ZNF611: variants seen among roughly 807,000 people sequenced by gnomAD.
ZNF611 encodes the protein zinc finger protein 611.
In ZNF611, 6 loss-of-function variants were observed where a neutral mutation model predicts 8.9. The observed-to-expected ratio is 0.68, with a 90% CI of 0.37 to 1.34. ZNF611 has a LOEUF of 1.34. Among genes scored for constraint, ZNF611 ranks in the 40% most tolerant of loss-of-function variants. The probability of loss-of-function intolerance (pLI) is 0.02; values close to 1 mark genes in which losing one functional copy is unlikely to be tolerated. For missense variants in ZNF611, 874 were observed against 841.3 expected, an observed-to-expected ratio of 1.04 and a Z score of -0.48; for synonymous variants, 262 against 279.7, an observed-to-expected ratio of 0.94 and a Z score of 0.63.
In ZNF611 at chr19:52,706,884, A is replaced by G. The variant is rs189334546; in HGVS notation, c.191-20T>C. The G allele has an allele frequency of 5.6e-6, 9 of 1,596,878 alleles. No individual in the cohort carries two copies. In the African/African-American group the frequency reaches 1.1e-4, roughly 19 times the overall value. ...AGATATCTACAAAATATAAACACCA[A>G]TACATTTCCAATTAAGTACAGATGG... On this transcript the variant is annotated intron_variant, in intron 5 of 5. Coordinates refer to ENST00000652185, the MANE Select transcript of ZNF611 (RefSeq NM_001161499.2).
chr19:52,720,459 G>A lies in ZNF611; in HGVS notation c.-19-4546C>T, dbSNP rs567520905. ...GAAGGGGCGGTTGCTGGACAGAGGC[G>A]CTCCTCACCTCCCAGATGGGGCGGC... On this transcript the variant is annotated intron_variant, in intron 3 of 5. Transcript: ENST00000652185. Among the ~76,000 whole-genome samples, 158 of 105,316 alleles carry A rather than the reference G, an allele frequency of 1.5e-3. 3 individuals are homozygous for A. The highest frequency in any genetic ancestry group is 4.0e-3 in the Admixed American group (45 of 11,168). The allele number at this position is 105,316 out of a possible 152,430, so 69.1% of individuals were successfully genotyped here. A position where few individuals can be genotyped will look rare whatever the true frequency, so the allele number is the denominator to read the frequency against.
At chr19:52,706,938 C>T in intron 5 of ZNF611, 74 bp from the exon 6 acceptor site, 3 of 1,524,194 alleles carry the variant, frequency 2.0e-6, no homozygotes, top group Non-Finnish European at 2.6e-6. Context: ...ATAAATATGA[C>T]ACAAAAAACG....
chr19:52,734,546 G>C (rs1035483), intron 1 of ZNF611, among the ~76,000 whole-genome samples: 1 of 53,866 alleles, frequency 1.9e-5, no homozygotes, highest in African/African-American at 9.4e-5. Context: ...CGGGGGGGGG[G>C]GGCGCGACGG....
intron 1 of ZNF611, among the ~76,000 whole-genome samples, chr19:52,733,462 G>A (rs189785674): frequency 2.0e-5 from 3 of 152,006 alleles, no homozygotes; most frequent in South Asian, 4.2e-4. Flanking sequence ...CATTATGCCC[G>A]GTTATTTACT....
intron 3 of ZNF611, among the ~76,000 whole-genome samples, chr19:52,719,193 AAC>A (rs2062337785): frequency 6.6e-6 from 1 of 152,164 alleles, no homozygotes; most frequent in African/African-American, 2.4e-5. Context: ...AATGAATAAA[AAC>A]ACACAAAAAA....
intron 3 of ZNF611, chr19:52,724,077 A>G (rs1347653506): frequency 6.6e-6 from 1 of 152,336 alleles, no homozygotes; most frequent in Admixed American, 6.5e-5. Flanking sequence ...TCTTATCTCA[A>G]CTGCAAAGAG....
At chr19:52,722,856 G>T (rs905477981) in intron 3 of ZNF611, among the ~76,000 whole-genome samples, 1 of 151,474 alleles carries the variant, frequency 6.6e-6, no homozygotes, top group Admixed American at 6.6e-5. Flanking sequence ...TCTGCCTACA[G>T]AGTAGCTGAA....
chr19:52,731,375 CTTTA>C (rs2062424662), intron 1 of ZNF611, among the ~76,000 whole-genome samples: 1 of 151,386 alleles, frequency 6.6e-6, no homozygotes, highest in Non-Finnish European at 1.5e-5. Context: ...CTTTCTTTTT[CTTTA>C]TTTTTTTTTC....
At chr19:52,722,397 T>C (rs931060160) in intron 3 of ZNF611, among the ~76,000 whole-genome samples, 1 of 151,976 alleles carries the variant, frequency 6.6e-6, no homozygotes, top group African/African-American at 2.4e-5. Flanking sequence ...ATTAATTAAT[T>C]AATTAATTAA....
In ZNF611 at chr19:52,717,478, G is replaced by A. The variant is rs190673520; in HGVS notation, c.-19-1565C>T. On this transcript the variant is annotated intron_variant, in intron 3 of 5. Coordinates refer to ENST00000652185, the MANE Select transcript of ZNF611 (RefSeq NM_001161499.2). ...AGCCCCAGGAATAGGAAAGCAGCCT[G>A]TGTGGCTGGAACAGTGGAAGAGAGG... Among the ~76,000 whole-genome samples the A allele has an allele frequency of 1.9e-3, 295 of 152,304 alleles. 4 individuals are homozygous for A. Among genetic ancestry groups the A allele is most frequent in the African/African-American group, 6.8e-3 (282 of 41,566 alleles).
chr19:52,714,627 G>A lies in ZNF611; in HGVS notation c.64-486C>T, dbSNP rs548733922. On this transcript the variant is annotated intron_variant, in intron 4 of 5. Coordinates refer to ENST00000652185, the MANE Select transcript of ZNF611 (RefSeq NM_001161499.2). The stretch of plus-strand genomic sequence containing the variant: ...CACTTGAACCCGGGAGATGGAGGCT[G>A]CAGTGAGCCAAGTTCGCACCACTGC... Among the ~76,000 whole-genome samples, 272 of 149,460 alleles carry A rather than the reference G, an allele frequency of 1.8e-3. 10 individuals are homozygous for A. The South Asian group carries it at 0.056, about 31-fold the overall frequency.
At chr19:52,723,088 A>G (rs944608623) in intron 3 of ZNF611, among the ~76,000 whole-genome samples, 2 of 148,360 alleles carry the variant, frequency 1.3e-5, no homozygotes, top group African/African-American at 2.5e-5. Context: ...AATTCTGTGC[A>G]TATCTCTCAT....
rs2062226408 is a variant in ZNF611, at chr19:52,704,584, T to C, written c.*353A>G. On this transcript the variant is annotated 3_prime_UTR_variant, in exon 6 of 6. Transcript: ENST00000652185. ...AATATGTGAACGATCTCTGAAAAAT[T>C]TGCCACATTTATTACACTTGTAAGA... is the stretch of plus-strand genomic sequence containing the variant. The C allele has an allele frequency of 9.7e-6, 15 of 1,550,358 alleles. No homozygotes were observed. In the Admixed American group the frequency reaches 1.0e-4, roughly 11 times the overall value.
At chr19:52,718,828 A>G (rs2062335323) in intron 3 of ZNF611, among the ~76,000 whole-genome samples, 1 of 151,936 alleles carries the variant, frequency 6.6e-6, no homozygotes, top group South Asian at 2.1e-4. Flanking sequence ...AAAACAAAAA[A>G]CCCGACAACA....
At chr19:52,713,485 C>T (rs1316311427) in intron 5 of ZNF611, among the ~76,000 whole-genome samples, 1 of 152,146 alleles carries the variant, frequency 6.6e-6, no homozygotes. Flanking sequence ...GAATGATGTC[C>T]TCGCTGGGAG....
rs901901307 is a variant in ZNF611 at position 52,705,494 on chromosome 19, G to T, written c.1561C>A (p.Arg521Ser). 1 of 1,613,964 alleles carries T rather than the reference G, an allele frequency of 6.2e-7. No homozygotes were observed. Among genetic ancestry groups the T allele is most frequent in the South Asian group, 1.1e-5 (1 of 91,068 alleles). ...TTATGTGTCTCAAGGCTTGATTTAC[G>T]ACTGAAAACCTTTTCACATTCATCA... ...KCDECEKVFSRKSSLETHKIG... is the reference protein window; with the variant it reads ...KCDECEKVFSSKSSLETHKIG... Residue 521 changes from arginine (R) to serine (S), a missense_variant, in exon 6 of 6, where the codon CGT becomes AGT. Arg to Ser is a moderately radical substitution (Grantham distance 110). Transcript: ENST00000652185.
chr19:52,734,113 C>G (rs1332800666), intron 1 of ZNF611, among the ~76,000 whole-genome samples: 1 of 101,780 alleles, frequency 9.8e-6, no homozygotes, highest in Non-Finnish European at 2.0e-5. Context: ...ACCTTGTGAT[C>G]CTTCATCTCT....
chr19:52,715,794 A>G, intron 4 of ZNF611, 38 bp downstream of exon 4: 11 of 1,604,270 alleles, frequency 6.9e-6, no homozygotes, highest in Non-Finnish European at 9.3e-6. Flanking sequence ...TTCAGAAACG[A>G]AAGACACAGA....
At chr19:52,732,827 G>A (rs1012064846) in intron 1 of ZNF611, among the ~76,000 whole-genome samples, 1 of 151,716 alleles carries the variant, frequency 6.6e-6, no homozygotes, top group Admixed American at 6.6e-5. Context: ...GGTGGCTCAT[G>A]CCTCTGGTCT....
Sources: gnomAD v4.1 joint callset for allele counts (sites outside exome capture counted in the v4.1 genomes callset) on GRCh38, gnomAD v4.1.1 for gene constraint, MANE v1.5 for transcripts, NCBI Gene and HGNC (gene_info 2026-07-23, HGNC 2026-07-21) for gene names.